SLC36A1: variants seen among roughly 807,000 people sequenced by gnomAD.
The protein encoded by SLC36A1 is proton-coupled amino acid transporter 1.
In SLC36A1, 30 loss-of-function variants were observed where a neutral mutation model predicts 47.5. The observed-to-expected ratio is 0.63, with a 90% CI of 0.47 to 0.86. The LOEUF (loss-of-function observed/expected upper bound fraction) is 0.86. Among genes scored for constraint, SLC36A1 ranks in the 40% least tolerant of loss-of-function variants. The probability of loss-of-function intolerance (pLI) is 0.00; values close to 1 mark genes in which losing one functional copy is unlikely to be tolerated. For synonymous variants in SLC36A1, 255 were observed against 249.7 expected (o/e 1.02, Z -0.20); for missense variants, 517 against 606.0 (o/e 0.85, Z 1.54).
the SLC36A1 span, among the ~76,000 whole-genome samples, chr5:151,551,181 A>G: frequency 7.0e-3 from 1,071 of 152,296 alleles, 14 homozygotes; most frequent in African/African-American, 0.025. Flanking sequence ...TCAGAGCCCC[A>G]CTTACCCAAC....
chr5:151,350,399 C>T, the SLC36A1 span, among the ~76,000 whole-genome samples: 2 of 152,160 alleles, frequency 1.3e-5, no homozygotes, highest in Admixed American at 1.3e-4. Context: ...GATTGGATTC[C>T]AGGCCTCTTG....
chr5:151,540,800 A>G, the SLC36A1 span: 1 of 1,578,590 alleles, frequency 6.3e-7, no homozygotes, highest in Non-Finnish European at 8.7e-7. Flanking sequence ...AAGCCAAGCA[A>G]TAGGAATGAA....
intron 1 of SLC36A1, among the ~76,000 whole-genome samples, chr5:151,438,012 T>TA (rs1000349645): frequency 1.3e-5 from 2 of 152,224 alleles, no homozygotes; most frequent in Non-Finnish European, 2.9e-5. Context: ...TCCCTCCTAT[T>TA]AAAAAACCTT....
the SLC36A1 span, among the ~76,000 whole-genome samples, chr5:151,382,931 C>T: frequency 6.6e-6 from 1 of 152,162 alleles, no homozygotes; most frequent in African/African-American, 2.4e-5. Context: ...CCATGGCTGC[C>T]TCTAAAACTA....
chr5:151,394,388 C>T, the SLC36A1 span, among the ~76,000 whole-genome samples: 1 of 152,222 alleles, frequency 6.6e-6, no homozygotes, highest in African/African-American at 2.4e-5. Context: ...CATCTGAAGC[C>T]TTCTTCCCTC....
the SLC36A1 span, among the ~76,000 whole-genome samples, chr5:151,365,760 G>C: frequency 7.2e-5 from 11 of 152,196 alleles, no homozygotes; most frequent in Non-Finnish European, 1.5e-4. Flanking sequence ...TTGGAACCTA[G>C]ATGTCCTTTT....
chr5:151,389,743 C>A, the SLC36A1 span, among the ~76,000 whole-genome samples: 2 of 151,880 alleles, frequency 1.3e-5, no homozygotes, highest in Non-Finnish European at 2.9e-5. Flanking sequence ...TGAACTCATC[C>A]TTTTTTATGG....
the SLC36A1 span, among the ~76,000 whole-genome samples, chr5:151,397,383 A>G: frequency 1.3e-5 from 2 of 152,256 alleles, no homozygotes; most frequent in East Asian, 1.9e-4. Context: ...TGGAAAGTCA[A>G]GAAGGTGAGC....
At chr5:151,460,409 C>G (rs898056667) in intron 2 of SLC36A1, among the ~76,000 whole-genome samples, 4 of 152,154 alleles carry the variant, frequency 2.6e-5, no homozygotes, top group Admixed American at 6.5e-5. Flanking sequence ...AGGTTTTGGA[C>G]AAAATTATGT....
intron 8 of SLC36A1, among the ~76,000 whole-genome samples, chr5:151,474,890 C>G (rs1044511984): frequency 3.3e-5 from 5 of 152,180 alleles, no homozygotes; most frequent in Admixed American, 6.5e-5. Flanking sequence ...TTTTTGATTT[C>G]CGAGACACCT....
the SLC36A1 span, among the ~76,000 whole-genome samples, chr5:151,428,439 C>A: frequency 3.3e-5 from 5 of 152,276 alleles, no homozygotes; most frequent in East Asian, 9.7e-4. Flanking sequence ...CTGGCTGCAT[C>A]TCCAGGCCCT....
At chr5:151,355,252 A>C in the SLC36A1 span, among the ~76,000 whole-genome samples, 1 of 152,086 alleles carries the variant, frequency 6.6e-6, no homozygotes, top group South Asian at 2.1e-4. Flanking sequence ...GGAATGGCAC[A>C]AGGCGCGGGA....
chr5:151,347,352 A>C, the SLC36A1 span: 1 of 1,614,244 alleles, frequency 6.2e-7, no homozygotes, highest in Non-Finnish European at 8.5e-7. Context: ...TCATCCAAGA[A>C]TGTAGAGTCC....
chr5:151,413,943 G>T, the SLC36A1 span, among the ~76,000 whole-genome samples: 1 of 151,954 alleles, frequency 6.6e-6, no homozygotes, highest in African/African-American at 2.4e-5. Context: ...ACAGTGCTTT[G>T]TGGCCTGCCT....
At chr5:151,486,598 C>T (rs1311508600) in intron 10 of SLC36A1, among the ~76,000 whole-genome samples, 1 of 152,242 alleles carries the variant, frequency 6.6e-6, no homozygotes, top group Non-Finnish European at 1.5e-5. Flanking sequence ...CTGAGATGTT[C>T]TGGCAGTCTC....
chr5:151,520,035 T>A, the SLC36A1 span, among the ~76,000 whole-genome samples: 1 of 152,208 alleles, frequency 6.6e-6, no homozygotes, highest in African/African-American at 2.4e-5. Flanking sequence ...TGGCTTTCCC[T>A]GAAGCAGGCC....
chr5:151,537,758 G>A, the SLC36A1 span: 2 of 1,590,170 alleles, frequency 1.3e-6, no homozygotes, highest in African/African-American at 1.3e-5. Context: ...CAGTAAAGAA[G>A]TTCTTGTTTT....
In SLC36A1 at chr5:151,458,304, G is replaced by GTGTGTGTGTGTA. The variant is rs1175105944; in HGVS notation, c.-5-483_-5-482insGTGTGTGTGTAT. Among the ~76,000 whole-genome samples the GTGTGTGTGTGTA allele has an allele frequency of 1.2e-4, 9 of 76,594 alleles. No homozygotes were observed. The East Asian group carries it at 1.3e-3, about 11-fold the overall frequency. The allele number at this position is 76,594 out of a possible 152,430, so 50.2% of individuals were successfully genotyped here. A position where few individuals can be genotyped will look rare whatever the true frequency, so the allele number is the denominator to read the frequency against. On this transcript the variant is annotated intron_variant, in intron 1 of 10. Coordinates refer to ENST00000243389, the MANE Select transcript of SLC36A1 (RefSeq NM_078483.4). The stretch of plus-strand genomic sequence containing the variant: ...TACGTGTATATATATACATACACGT[G>GTGTGTGTGTGTA]TATATACGTATATATATATATATAT...
chr5:151,371,649 T>C, the SLC36A1 span, among the ~76,000 whole-genome samples: 4 of 152,328 alleles, frequency 2.6e-5, no homozygotes, highest in African/African-American at 9.6e-5. Flanking sequence ...CAACAGAAAT[T>C]TGGAAAAGCA....
Sources: allele counts gnomAD v4.1 joint callset (sites outside exome capture counted in the v4.1 genomes callset), GRCh38; gene constraint gnomAD v4.1.1; transcripts MANE v1.5; gene names NCBI Gene and HGNC (gene_info 2026-07-23, HGNC 2026-07-21).